The following CSGALNACT1 variants were observed in gnomAD, a reference collection of about 807,000 sequenced individuals.
CSGALNACT1 encodes the protein chondroitin sulfate N-acetylgalactosaminyltransferase 1.
Under a neutral mutation model 51.0 loss-of-function variants are expected in CSGALNACT1, and 52 were observed. The observed-to-expected ratio is 1.02, with a 90% confidence interval of 0.82 to 1.29. The LOEUF (loss-of-function observed/expected upper bound fraction) is 1.29. Among genes scored for constraint, CSGALNACT1 ranks in the 50% most tolerant of loss-of-function variants. The pLI is 0.00. For missense variants in CSGALNACT1, 935 were observed against 679.2 expected, an observed-to-expected ratio of 1.38 and a Z score of -4.19; for synonymous variants, 341 against 254.4, an observed-to-expected ratio of 1.34 and a Z score of -3.24.
At chr8:19,437,607 CA>C (rs1232921052) in intron 6 of CSGALNACT1, among the ~76,000 whole-genome samples, 1 of 152,054 alleles carries the variant, frequency 6.6e-6, no homozygotes, top group Non-Finnish European at 1.5e-5. Context: ...AGATCAACAC[CA>C]AAAAATTATT....
At chr8:19,553,901 G>T (rs921872865) in intron 3 of CSGALNACT1, among the ~76,000 whole-genome samples, 4 of 114,160 alleles carry the variant, frequency 3.5e-5, no homozygotes, top group African/African-American at 7.7e-5. Flanking sequence ...AGAACTCGTA[G>T]AACACACACA....
chr8:19,644,522 C>G (rs559452449), intron 1 of CSGALNACT1, among the ~76,000 whole-genome samples: 2 of 150,852 alleles, frequency 1.3e-5, no homozygotes, highest in Admixed American at 1.3e-4. Flanking sequence ...CCAGCCTGGC[C>G]AACATGGTAA....
At chr8:19,500,888 G>A (rs1191618427) in intron 4 of CSGALNACT1, among the ~76,000 whole-genome samples, 1 of 152,182 alleles carries the variant, frequency 6.6e-6, no homozygotes, top group Admixed American at 6.5e-5. Context: ...GCCCAGGCAG[G>A]TTCAGTTGTC....
chr8:19,662,064 A>AC (rs1281131821), intron 1 of CSGALNACT1, among the ~76,000 whole-genome samples: 40 of 37,102 alleles, frequency 1.1e-3, no homozygotes, highest in East Asian at 2.0e-3. Context: ...AGTTGCCCCC[A>AC]CCCCCCCCCA....
intron 1 of CSGALNACT1, among the ~76,000 whole-genome samples, chr8:19,619,573 C>T (rs2053553671): frequency 6.6e-6 from 1 of 152,022 alleles, no homozygotes; most frequent in African/African-American, 2.4e-5. Context: ...TGGTGCCAGA[C>T]TAGGGGCAGG....
intron 1 of CSGALNACT1, among the ~76,000 whole-genome samples, chr8:19,721,027 T>C (rs1221048299): frequency 6.6e-6 from 1 of 152,202 alleles, no homozygotes; most frequent in African/African-American, 2.4e-5. Flanking sequence ...CGGACCACAC[T>C]AGGTGACAAT....
chr8:19,656,177 T>C (rs1004031091), intron 1 of CSGALNACT1, among the ~76,000 whole-genome samples: 1 of 152,188 alleles, frequency 6.6e-6, no homozygotes, highest in African/African-American at 2.4e-5. Flanking sequence ...GAAGATAGGA[T>C]TGCCTTTTGC....
At chr8:19,707,929 G>C (rs549098490) in intron 1 of CSGALNACT1, among the ~76,000 whole-genome samples, 91 of 152,284 alleles carry the variant, frequency 6.0e-4, no homozygotes, top group African/African-American at 2.0e-3. Context: ...TGAACCCAAG[G>C]AGGGGGAGGC....
At chr8:19,567,241 G>C (rs1588445442) in intron 3 of CSGALNACT1, among the ~76,000 whole-genome samples, 1 of 152,186 alleles carries the variant, frequency 6.6e-6, no homozygotes, top group Non-Finnish European at 1.5e-5. Context: ...AGAACCACAT[G>C]TACACCAGTA....
chr8:19,559,549 A>G (rs1033805127), intron 3 of CSGALNACT1, among the ~76,000 whole-genome samples: 9 of 152,218 alleles, frequency 5.9e-5, no homozygotes, highest in African/African-American at 2.2e-4. Context: ...TTATTCAGAA[A>G]TGATATGATA....
rs142456632 is a variant in CSGALNACT1, at chr8:19,458,542, G to A, written c.735C>T (p.Phe245=). 1.2e-3 allele frequency: 1,934 copies of A among 1,614,148 alleles called. 1 individual carries two copies. Among genetic ancestry groups the A allele is most frequent in the Non-Finnish European group, 1.6e-3 (1,863 of 1,180,024 alleles). Residue 245 remains phenylalanine (F), a synonymous_variant, in exon 5 of 10, where the codon TTC becomes TTT. Coordinates refer to ENST00000454498, the Ensembl canonical transcript of CSGALNACT1. ...CATTTTTCACTTTCATGATGGGGCC[G>A]AATGGTCGAAATAAGATGAGCCGTT...
At chr8:19,514,072 C>T (rs1361292064) in intron 3 of CSGALNACT1, among the ~76,000 whole-genome samples, 1 of 152,166 alleles carries the variant, frequency 6.6e-6, no homozygotes, top group Non-Finnish European at 1.5e-5. Context: ...TCATTAGCAT[C>T]TATCTATGGG....
At chr8:19,407,387 A>G (rs2054445885) in intron 9 of CSGALNACT1, among the ~76,000 whole-genome samples, 1 of 151,940 alleles carries the variant, frequency 6.6e-6, no homozygotes, top group Non-Finnish European at 1.5e-5. Flanking sequence ...TGGGGATGGG[A>G]CGCTCCATGC....
intron 1 of CSGALNACT1, among the ~76,000 whole-genome samples, chr8:19,651,967 G>C (rs1471859811): frequency 2.0e-5 from 3 of 150,020 alleles, no homozygotes; most frequent in South Asian, 2.1e-4. Context: ...CTCTCACTCT[G>C]CCACCCAGAC....
intron 5 of CSGALNACT1, among the ~76,000 whole-genome samples, chr8:19,449,642 AC>A (rs1197702213): frequency 6.6e-6 from 1 of 152,226 alleles, no homozygotes; most frequent in African/African-American, 2.4e-5. Flanking sequence ...AAATTCAAGT[AC>A]AAGATTTCCT....
At chr8:19,616,940 A>G (rs1050635560) in intron 1 of CSGALNACT1, among the ~76,000 whole-genome samples, 2 of 152,172 alleles carry the variant, frequency 1.3e-5, no homozygotes, top group Non-Finnish European at 2.9e-5. Context: ...GGATGATTCA[A>G]ACTCATTTCA....
At chr8:19,435,544 G>C (rs2060251462) in intron 6 of CSGALNACT1, among the ~76,000 whole-genome samples, 1 of 151,388 alleles carries the variant, frequency 6.6e-6, no homozygotes, top group South Asian at 2.1e-4. Context: ...ATCTAAAGCA[G>C]CATTTCTCAC....
chr8:19,743,112 A>G (rs1397918290), intron 1 of CSGALNACT1, among the ~76,000 whole-genome samples: 1 of 152,254 alleles, frequency 6.6e-6, no homozygotes, highest in Non-Finnish European at 1.5e-5. Flanking sequence ...GCTGATTTCC[A>G]TAATGCATAA....
intron 1 of CSGALNACT1, among the ~76,000 whole-genome samples, chr8:19,647,910 G>T (rs922055303): frequency 2.0e-5 from 3 of 152,124 alleles, no homozygotes; most frequent in African/African-American, 7.2e-5. Context: ...TAAAAGAAAG[G>T]CACTCTGTGT....
Sources: gnomAD v4.1 joint callset for allele counts (sites outside exome capture counted in the v4.1 genomes callset) on GRCh38, gnomAD v4.1.1 for gene constraint, MANE v1.5 for transcripts, NCBI Gene and HGNC (gene_info 2026-07-23, HGNC 2026-07-21) for gene names.